The following SEMA3E variants were observed in gnomAD, a reference collection of about 807,000 sequenced individuals.
SEMA3E encodes the protein semaphorin 3E, also known as semaphorin-3E.
A neutral mutation model predicts 93.6 loss-of-function variants in SEMA3E; 49 were observed. That is an observed-to-expected ratio of 0.52 (90% CI 0.42 to 0.66). The LOEUF (loss-of-function observed/expected upper bound fraction) is 0.66. Among genes scored for constraint, SEMA3E ranks in the 30% least tolerant of loss-of-function variants. The probability of loss-of-function intolerance (pLI) is 0.00; values close to 1 mark genes in which losing one functional copy is unlikely to be tolerated. For missense variants in SEMA3E, 906 were observed against 964.8 expected (o/e 0.94, Z 0.81); for synonymous variants, 363 against 330.7 (o/e 1.10, Z -1.06).
intron 11 of SEMA3E, 50 bp from the exon 12 acceptor site, chr7:83,396,779 G>A (rs1334136039): frequency 1.5e-6 from 2 of 1,311,870 alleles, no homozygotes; most frequent in African/African-American, 2.9e-5. Flanking sequence ...TCACAGTACG[G>A]TTTTCAAAAA....
At chr7:83,510,898 C>T (rs558978999) in intron 1 of SEMA3E, among the ~76,000 whole-genome samples, 4 of 152,132 alleles carry the variant, frequency 2.6e-5, no homozygotes, top group Non-Finnish European at 5.9e-5. Flanking sequence ...GAATCTAATG[C>T]TCAAGAAAAT....
intron 1 of SEMA3E, among the ~76,000 whole-genome samples, chr7:83,546,326 GTGTGTGTGTGT>G (rs2115784145): frequency 1.8e-5 from 1 of 54,390 alleles, no homozygotes; most frequent in African/African-American, 2.0e-4. Context: ...TAAGGGGTGT[GTGTGTGTGTGT>G]GTGTGTGTGT....
chr7:83,537,791 G>T (rs56716954), intron 1 of SEMA3E, among the ~76,000 whole-genome samples: 13,137 of 152,054 alleles, frequency 0.086, 696 homozygotes, highest in South Asian at 0.2. Context: ...AGTCAATATT[G>T]GGACATTTCC....
chr7:83,379,665 G>T (rs996158316), intron 16 of SEMA3E, among the ~76,000 whole-genome samples: 1 of 151,712 alleles, frequency 6.6e-6, no homozygotes, highest in African/African-American at 2.4e-5. Context: ...TCACTGCATT[G>T]TGTCTAAGGG....
intron 4 of SEMA3E, among the ~76,000 whole-genome samples, chr7:83,460,111 G>A (rs539036760): frequency 3.7e-4 from 57 of 152,286 alleles, no homozygotes; most frequent in African/African-American, 1.2e-3. Flanking sequence ...TCACACGGAC[G>A]TGCATGAAAT....
intron 2 of SEMA3E, among the ~76,000 whole-genome samples, chr7:83,480,823 A>C (rs1412040171): frequency 6.6e-6 from 1 of 152,154 alleles, no homozygotes; most frequent in Non-Finnish European, 1.5e-5. Context: ...CCTAACCAGA[A>C]AATCTAGTCA....
intron 1 of SEMA3E, among the ~76,000 whole-genome samples, chr7:83,602,774 C>T (rs765988936): frequency 6.6e-6 from 1 of 152,144 alleles, no homozygotes; most frequent in Non-Finnish European, 1.5e-5. Flanking sequence ...CCGCGCCCAG[C>T]CTAGAAGCAC....
chr7:83,531,643 G>A (rs1030316478), intron 1 of SEMA3E, among the ~76,000 whole-genome samples: 2 of 151,950 alleles, frequency 1.3e-5, no homozygotes, highest in Non-Finnish European at 2.9e-5. Context: ...GTGAGCCACC[G>A]TTCCCAGCCA....
In SEMA3E at chr7:83,629,077, T is replaced by A. The variant is rs757042622; in HGVS notation, c.115+19351A>T. Among the ~76,000 whole-genome samples, 11 of 151,566 alleles carry A rather than the reference T, an allele frequency of 7.3e-5. No individual in the cohort carries two copies. The South Asian group carries it at 8.3e-4, about 11-fold the overall frequency. The stretch of plus-strand genomic sequence containing the variant: ...CAGGTCTGCTGGAGTTTGCTGGAGT[T>A]CACTGGAGTTCACTGGAGTTCCACT... On this transcript the variant is annotated intron_variant, in intron 1 of 16. Transcript: ENST00000643230.
rs1794689960 is a variant in SEMA3E, at chr7:83,367,624, C to T, written c.2290G>A (p.Glu764Lys). 6.2e-7 allele frequency: 1 copy of T among 1,614,142 alleles called. No individual in the cohort carries two copies. Among genetic ancestry groups the T allele is most frequent in the East Asian group, 2.2e-5 (1 of 44,868 alleles). ...GTGTGCCTGGGCAGGCGGTAATGCT[C>T]AGGTTTGGAACGGAGCTTCTTTTCC... is the stretch of plus-strand genomic sequence containing the variant. ...PQEKKLRSKP[E>K]HYRLPRHTLD... is the part of the protein sequence containing the mutation. Residue 764 changes from glutamate to lysine, a missense_variant, in exon 17 of 17, where the codon GAG becomes AAG. Physicochemically the swap from Glu to Lys is moderately conservative, Grantham distance 56 (BLOSUM62 1). Transcript: ENST00000643230.
chr7:83,385,216 C>A lies in SEMA3E; in HGVS notation c.1875+78G>T, dbSNP rs997770014. The A allele has an allele frequency of 4.6e-6, 7 of 1,512,746 alleles. No homozygotes were observed. The African/African-American group carries it at 9.6e-5, about 21-fold the overall frequency. 93.7% of individuals were successfully genotyped at this position (1,512,746 alleles called of 1,614,324 possible). A position where few individuals can be genotyped will look rare whatever the true frequency, so the allele number is the denominator to read the frequency against. On this transcript the variant is annotated intron_variant, in intron 16 of 16. Transcript: ENST00000643230. ...TACAACAGCTAGCTTCATTTTTCAG[C>A]ATCCAAATAAATCATCTATTTACTG...
chr7:83,591,283 T>C (rs1489035102), intron 1 of SEMA3E, among the ~76,000 whole-genome samples: 5 of 151,938 alleles, frequency 3.3e-5, no homozygotes. Context: ...GATTATAGGA[T>C]ATCATGGGAC....
chr7:83,510,913 A>G (rs1790804200), intron 1 of SEMA3E, among the ~76,000 whole-genome samples: 1 of 152,206 alleles, frequency 6.6e-6, no homozygotes, highest in Admixed American at 6.5e-5. Flanking sequence ...GAAAATAATT[A>G]TATGTATAAT....
intron 1 of SEMA3E, among the ~76,000 whole-genome samples, chr7:83,598,518 AT>A (rs570280206): frequency 6.6e-6 from 1 of 152,324 alleles, no homozygotes; most frequent in African/African-American, 2.4e-5. Context: ...TTGCTTGCCC[AT>A]ATAGATAACT....
intron 1 of SEMA3E, among the ~76,000 whole-genome samples, chr7:83,581,640 A>C (rs1227682367): frequency 6.6e-6 from 1 of 152,072 alleles, no homozygotes; most frequent in East Asian, 1.9e-4. Context: ...TAAATCAAAA[A>C]TAAATATGGT....
At chr7:83,427,691 A>C (rs959723455) in intron 4 of SEMA3E, among the ~76,000 whole-genome samples, 1 of 152,180 alleles carries the variant, frequency 6.6e-6, no homozygotes, top group African/African-American at 2.4e-5. Context: ...TGCACAACCC[A>C]ATAAAATACT....
intron 2 of SEMA3E, among the ~76,000 whole-genome samples, chr7:83,479,885 T>A (rs190683488): frequency 1.3e-5 from 2 of 152,250 alleles, no homozygotes; most frequent in African/African-American, 4.8e-5. Context: ...AATTAACATG[T>A]TGGCTTCAAT....
At chr7:83,389,325 G>C (rs1787944802) in intron 14 of SEMA3E, among the ~76,000 whole-genome samples, 1 of 149,506 alleles carries the variant, frequency 6.7e-6, no homozygotes, top group African/African-American at 2.4e-5. Flanking sequence ...ATAATGGATA[G>C]GAATAAAATC....
At chr7:83,554,909 G>A (rs215260) in intron 1 of SEMA3E, among the ~76,000 whole-genome samples, 3,730 of 151,940 alleles carry the variant, frequency 0.025, 150 homozygotes, top group African/African-American at 0.085. Context: ...CCCGGGAGGC[G>A]GAGCTTGCAG....
Sources: gnomAD v4.1 joint callset for allele counts (sites outside exome capture counted in the v4.1 genomes callset) on GRCh38, gnomAD v4.1.1 for gene constraint, MANE v1.5 for transcripts, NCBI Gene and HGNC (gene_info 2026-07-23, HGNC 2026-07-21) for gene names.